Variants in AOAH observed in about 807,000 individuals in gnomAD.
AOAH encodes acyloxyacyl hydrolase.
In AOAH, 64 loss-of-function variants were observed where a neutral mutation model predicts 92.2. The ratio of observed to expected loss-of-function variants is 0.69; its 90% confidence interval spans 0.57 to 0.86. AOAH has a LOEUF of 0.86. AOAH is among the 40% of genes least tolerant of loss of function. AOAH has a pLI of 0.00. For missense variants in AOAH, 656 were observed against 694.6 expected, an observed-to-expected ratio of 0.94 and a Z score of 0.62; for synonymous variants, 263 against 254.5, an observed-to-expected ratio of 1.03 and a Z score of -0.32.
At chr7:36,667,505 GTA>G (rs1012880769) in intron 3 of AOAH, among the ~76,000 whole-genome samples, 1 of 152,166 alleles carries the variant, frequency 6.6e-6, no homozygotes, top group African/African-American at 2.4e-5. Flanking sequence ...AAAAAACATA[GTA>G]TATATAGGAT....
chr7:36,551,370 C>A (rs1416599597), intron 13 of AOAH, among the ~76,000 whole-genome samples: 2 of 152,114 alleles, frequency 1.3e-5, no homozygotes, highest in African/African-American at 2.4e-5. Flanking sequence ...CCGCATCTGG[C>A]CTCATTTCAT....
At chr7:36,584,290 A>G (rs1409543930) in intron 12 of AOAH, among the ~76,000 whole-genome samples, 4 of 152,208 alleles carry the variant, frequency 2.6e-5, no homozygotes, top group African/African-American at 4.8e-5. Flanking sequence ...ATTTCGCAGA[A>G]GAGTTTATGA....
chr7:36,570,230 A>G (rs560299285), intron 13 of AOAH, among the ~76,000 whole-genome samples: 1 of 152,046 alleles, frequency 6.6e-6, no homozygotes. Flanking sequence ...GAGTTTGACT[A>G]CTTAGATGGC....
chr7:36,564,349 G>C (rs921143236), intron 13 of AOAH, among the ~76,000 whole-genome samples: 16 of 152,092 alleles, frequency 1.1e-4, no homozygotes, highest in South Asian at 2.1e-4. Context: ...TTTTGTCTTT[G>C]TTTCCCATTT....
chr7:36,622,003 G>A (rs1792316453), intron 7 of AOAH, among the ~76,000 whole-genome samples: 1 of 152,158 alleles, frequency 6.6e-6, no homozygotes, highest in African/African-American at 2.4e-5. Flanking sequence ...GTGGTAGGGT[G>A]TGTGCATGTG....
chr7:36,644,402 T>C (rs1351787010), intron 4 of AOAH, among the ~76,000 whole-genome samples: 1 of 152,164 alleles, frequency 6.6e-6, no homozygotes, highest in Non-Finnish European at 1.5e-5. Flanking sequence ...AGCCACACCA[T>C]GCATTCGTGT....
chr7:36,615,523 G>C (rs1164487173), intron 11 of AOAH, among the ~76,000 whole-genome samples: 1 of 152,134 alleles, frequency 6.6e-6, no homozygotes, highest in Non-Finnish European at 1.5e-5. Context: ...CCCAACTGCA[G>C]GTGACCCATC....
chr7:36,549,192 C>T (rs1786015145), intron 14 of AOAH, among the ~76,000 whole-genome samples: 1 of 152,196 alleles, frequency 6.6e-6, no homozygotes, highest in Non-Finnish European at 1.5e-5. Context: ...GATATGACAT[C>T]ATCCTTTTGT....
At position 36,681,847 on chromosome 7, in the gene AOAH, G is replaced by A. The variant is rs547659913; in HGVS notation, c.223+4852C>T. On this transcript the variant is annotated intron_variant, in intron 2 of 20. Transcript: ENST00000617537. ...ATAAGAGTACCTGAATAGCAAGACC[G>A]AAAACCCTCAGAAAGCAGTTACCAC... Among the ~76,000 whole-genome samples, 11 of 152,162 alleles carry A rather than the reference G, an allele frequency of 7.2e-5. No homozygotes were observed. The South Asian group carries it at 1.7e-3, about 23-fold the overall frequency.
chr7:36,532,171 C>G lies in AOAH; in HGVS notation c.1401G>C (p.Lys467Asn). The G allele has an allele frequency of 1.2e-6, 2 of 1,614,204 alleles. No individual in the cohort carries two copies. Among genetic ancestry groups the G allele is most frequent in the South Asian group, 2.2e-5 (2 of 91,090 alleles). The change falls in exon 18 of 21, where the codon AAG (lysine) becomes AAC (asparagine). Residue 467 changes from lysine to asparagine, a missense_variant. Coordinates refer to ENST00000617537, the MANE Select transcript of AOAH (RefSeq NM_001637.4). ...CCTCTGAAGTGAGAGTCCGCAACGT[C>G]TTGTTGGAAGACATCCAGCCGTGGC... ...SPCHGWMSSN[K>N]TLRTLTSERA...
chr7:36,679,310 T>C (rs1218280258), intron 2 of AOAH, among the ~76,000 whole-genome samples: 4 of 148,922 alleles, frequency 2.7e-5, no homozygotes, highest in Non-Finnish European at 6.0e-5. Flanking sequence ...AAAATAAAAA[T>C]AAAAAAAAGT....
At chr7:36,716,336 A>T (rs1799168108) in intron 1 of AOAH, among the ~76,000 whole-genome samples, 1 of 151,244 alleles carries the variant, frequency 6.6e-6, no homozygotes, top group South Asian at 2.1e-4. Flanking sequence ...GGTGCTGGAG[A>T]GGATGTGGAG....
At chr7:36,587,755 C>T (rs1024044691) in intron 12 of AOAH, among the ~76,000 whole-genome samples, 1 of 152,072 alleles carries the variant, frequency 6.6e-6, no homozygotes, top group Non-Finnish European at 1.5e-5. Flanking sequence ...TCTTTGAAAG[C>T]TCAAATTTTA....
intron 6 of AOAH, among the ~76,000 whole-genome samples, chr7:36,631,439 A>G (rs1450389743): frequency 6.6e-6 from 1 of 151,930 alleles, no homozygotes; most frequent in Non-Finnish European, 1.5e-5. Context: ...ACATGGCTTC[A>G]CCCTTTAATG....
intron 13 of AOAH, among the ~76,000 whole-genome samples, chr7:36,567,240 A>G (rs1481011907): frequency 6.6e-6 from 1 of 152,178 alleles, no homozygotes; most frequent in Non-Finnish European, 1.5e-5. Context: ...GCAGGCTCAT[A>G]TGGATTCCCT....
rs1179407237 is a variant in AOAH, at chr7:36,513,231, G to A, written c.*21C>T. On this transcript the variant is annotated 3_prime_UTR_variant, in exon 21 of 21. Transcript: ENST00000617537. ...GCCTCTGCCTCCCTGTGCTCCCCAG[G>A]GGTGCATGCTCCTGAGAGGCTCAGT... 1.9e-6 allele frequency: 3 copies of A among 1,614,120 alleles called. No individual in the cohort carries two copies. The African/African-American group carries it at 4.0e-5, about 22-fold the overall frequency.
intron 19 of AOAH, among the ~76,000 whole-genome samples, chr7:36,524,877 TTTG>T (rs1784320815): frequency 6.6e-6 from 1 of 152,116 alleles, no homozygotes; most frequent in South Asian, 2.1e-4. Flanking sequence ...GAAATAAATT[TTTG>T]TTGTTTATAA....
intron 2 of AOAH, among the ~76,000 whole-genome samples, chr7:36,683,304 A>C (rs1796757930): frequency 6.6e-6 from 1 of 152,208 alleles, no homozygotes; most frequent in African/African-American, 2.4e-5. Flanking sequence ...GGAGGAATGA[A>C]CTTTAGACAA....
intron 4 of AOAH, among the ~76,000 whole-genome samples, chr7:36,655,577 C>A (rs1456859151): frequency 6.6e-6 from 1 of 152,144 alleles, no homozygotes; most frequent in Non-Finnish European, 1.5e-5. Flanking sequence ...TCCTGAAAAG[C>A]TAAGTGAAAA....
Sources: allele counts gnomAD v4.1 joint callset (sites outside exome capture counted in the v4.1 genomes callset), GRCh38; gene constraint gnomAD v4.1.1; transcripts MANE v1.5; gene names NCBI Gene and HGNC (gene_info 2026-07-23, HGNC 2026-07-21).